The following CDH13 variants were observed in gnomAD, a reference collection of about 807,000 sequenced individuals.
CDH13 encodes cadherin-13.
CDH13 carries 24 observed loss-of-function variants against 63.8 expected under a neutral mutation model. The ratio of observed to expected loss-of-function variants is 0.38; its 90% CI spans 0.27 to 0.53. The LOEUF (loss-of-function observed/expected upper bound fraction) is 0.53, where lower values mean the gene tolerates loss of function less well. Ranked by LOEUF, CDH13 falls within the 20% of genes least tolerant of loss-of-function variation. The pLI is 0.85. For synonymous variants in CDH13, 503 were observed against 355.3 expected (o/e 1.42, Z -4.67); for missense variants, 1,049 against 903.1 (o/e 1.16, Z -2.07).
chr16:82,809,313 C>CA (rs34233977), intron 1 of CDH13, among the ~76,000 whole-genome samples: 106,114 of 149,164 alleles, frequency 0.71, 38,730 homozygotes, highest in Non-Finnish European at 0.79. Context: ...TATTTACGTC[C>CA]AAAAAAAAAA....
At chr16:82,873,379 C>G (rs1401126970) in intron 2 of CDH13, among the ~76,000 whole-genome samples, 2 of 152,228 alleles carry the variant, frequency 1.3e-5, no homozygotes, top group Non-Finnish European at 2.9e-5. Flanking sequence ...TTACAATCCT[C>G]TGACTCCAAA....
intron 7 of CDH13, among the ~76,000 whole-genome samples, chr16:83,507,780 A>G (rs1430126830): frequency 2.6e-5 from 4 of 151,968 alleles, no homozygotes; most frequent in Non-Finnish European, 5.9e-5. Context: ...CATGCTTGTA[A>G]TCCCAGCACT....
chr16:83,054,836 A>G lies in CDH13; in HGVS notation c.366+22618A>G, dbSNP rs58764903. Among the ~76,000 whole-genome samples the G allele has an allele frequency of 6.1e-3, 927 of 152,294 alleles. 13 individuals are homozygous for G. The highest frequency in any genetic ancestry group is 0.022 in the African/African-American group (903 of 41,582). On this transcript the variant is annotated intron_variant, in intron 3 of 13. Transcript: ENST00000567109. ...AAAATTTCACTAAAATCTGTAATAT[A>G]GATTTTACTAAACAAAATTTGGTTC...
At chr16:82,918,031 A>C (rs2042046072) in intron 2 of CDH13, among the ~76,000 whole-genome samples, 1 of 152,294 alleles carries the variant, frequency 6.6e-6, no homozygotes, top group African/African-American at 2.4e-5. Flanking sequence ...CAAATGTTAA[A>C]TAAGCCAAAG....
At chr16:83,197,536 C>T (rs1245748529) in intron 4 of CDH13, among the ~76,000 whole-genome samples, 2 of 152,062 alleles carry the variant, frequency 1.3e-5, no homozygotes, top group Non-Finnish European at 2.9e-5. Context: ...CCCTTCGTCT[C>T]CCCTCCCCAC....
chr16:82,689,384 T>G (rs1915409149), intron 1 of CDH13, among the ~76,000 whole-genome samples: 1 of 152,158 alleles, frequency 6.6e-6, no homozygotes, highest in Admixed American at 6.5e-5. Context: ...AATGTTATCA[T>G]TTGGGTCCAT....
At chr16:83,546,986 G>A (rs954957349) in intron 7 of CDH13, among the ~76,000 whole-genome samples, 1 of 152,180 alleles carries the variant, frequency 6.6e-6, no homozygotes, top group Non-Finnish European at 1.5e-5. Context: ...GTCCTGAACA[G>A]CCTGGCTTCA....
At chr16:82,640,497 G>A (rs546770960) in intron 1 of CDH13, among the ~76,000 whole-genome samples, 2 of 152,158 alleles carry the variant, frequency 1.3e-5, no homozygotes, top group Non-Finnish European at 1.5e-5. Context: ...AATTCTATCC[G>A]TGTAGCATTA....
intron 6 of CDH13, among the ~76,000 whole-genome samples, chr16:83,400,842 G>A (rs1408165375): frequency 6.6e-6 from 1 of 152,130 alleles, no homozygotes; most frequent in Admixed American, 6.5e-5. Context: ...TGAAGCCTAT[G>A]GGGATTACTT....
chr16:83,285,050 C>T (rs1043393539), intron 5 of CDH13, among the ~76,000 whole-genome samples: 1 of 152,132 alleles, frequency 6.6e-6, no homozygotes, highest in African/African-American at 2.4e-5. Context: ...TATTCTCACT[C>T]ATAATTTCTT....
chr16:83,593,910 T>G (rs546272917), intron 7 of CDH13, among the ~76,000 whole-genome samples: 1 of 152,190 alleles, frequency 6.6e-6, no homozygotes, highest in South Asian at 2.1e-4. Context: ...ACGGTACTCA[T>G]TATCTATTGC....
chr16:83,769,353 G>A (rs1050354902), intron 11 of CDH13, among the ~76,000 whole-genome samples: 5 of 152,206 alleles, frequency 3.3e-5, no homozygotes, highest in African/African-American at 1.2e-4. Context: ...GGAAGCAAAT[G>A]TCAGGATCTA....
At chr16:82,629,293 G>A (rs1477021841) in intron 1 of CDH13, among the ~76,000 whole-genome samples, 1 of 152,224 alleles carries the variant, frequency 6.6e-6, no homozygotes, top group Non-Finnish European at 1.5e-5. Flanking sequence ...GCTGTGAATT[G>A]AAATGATTGC....
chr16:83,539,605 T>C (rs1050954952), intron 7 of CDH13, among the ~76,000 whole-genome samples: 1 of 152,194 alleles, frequency 6.6e-6, no homozygotes, highest in African/African-American at 2.4e-5. Context: ...TGTTGAAGTG[T>C]TGGTAACAGC....
chr16:83,440,946 C>T (rs1444453895), intron 6 of CDH13, among the ~76,000 whole-genome samples: 1 of 152,130 alleles, frequency 6.6e-6, no homozygotes, highest in East Asian at 1.9e-4. Flanking sequence ...TGGAGAGCTT[C>T]CCCTCCAACA....
chr16:83,333,100 A>G (rs1381434937), intron 5 of CDH13, among the ~76,000 whole-genome samples: 1 of 152,148 alleles, frequency 6.6e-6, no homozygotes, highest in Non-Finnish European at 1.5e-5. Context: ...CCAGTCTGTC[A>G]AGCGGGGGAT....
At chr16:82,734,565 C>G (rs1244284227) in intron 1 of CDH13, among the ~76,000 whole-genome samples, 1 of 152,164 alleles carries the variant, frequency 6.6e-6, no homozygotes, top group Non-Finnish European at 1.5e-5. Context: ...CTTTGTGATA[C>G]ATCCACTGTC....
intron 6 of CDH13, among the ~76,000 whole-genome samples, chr16:83,371,256 C>G (rs1268475001): frequency 6.6e-6 from 1 of 152,106 alleles, no homozygotes; most frequent in Non-Finnish European, 1.5e-5. Context: ...GTTGACTGCC[C>G]CATGGCCTTT....
chr16:83,351,280 C>CTTT (rs5818442), intron 6 of CDH13, among the ~76,000 whole-genome samples: 2 of 135,054 alleles, frequency 1.5e-5, no homozygotes, highest in Non-Finnish European at 3.2e-5. Context: ...GTGGCTATTT[C>CTTT]TTTTTTTTTT....
Sources: allele counts gnomAD v4.1 joint callset (sites outside exome capture counted in the v4.1 genomes callset), GRCh38; gene constraint gnomAD v4.1.1; transcripts MANE v1.5; gene names NCBI Gene and HGNC (gene_info 2026-07-23, HGNC 2026-07-21).